The following CLIP4 variants were observed in gnomAD, a reference collection of about 807,000 sequenced individuals.
CLIP4 encodes the protein CAP-Gly domain containing linker protein family member 4, also known as CAP-Gly domain-containing linker protein 4.
A neutral mutation model predicts 73.1 loss-of-function variants in CLIP4; 47 were observed. The observed-to-expected ratio is 0.64, with a 90% CI of 0.51 to 0.82. The LOEUF (loss-of-function observed/expected upper bound fraction) is 0.82, where lower values mean the gene tolerates loss of function less well. Among genes scored for constraint, CLIP4 ranks in the 40% least tolerant of loss-of-function variants. The pLI, the probability that CLIP4 is intolerant of heterozygous loss-of-function variation, is 0.00. For synonymous variants in CLIP4, 306 were observed against 295.4 expected (o/e 1.04, Z -0.37); for missense variants, 874 against 852.9 (o/e 1.02, Z -0.31).
At chr2:29,140,944 C>T (rs1390176454) in intron 6 of CLIP4, among the ~76,000 whole-genome samples, 4 of 152,070 alleles carry the variant, frequency 2.6e-5, no homozygotes, top group Non-Finnish European at 4.4e-5. Context: ...GTTGAGACCT[C>T]CCTGTCTTCT....
upstream of CLIP4, among the ~76,000 whole-genome samples, chr2:29,111,707 A>G (rs886925737): frequency 1.3e-5 from 2 of 152,242 alleles, no homozygotes; most frequent in Admixed American, 6.5e-5. Context: ...TGAACATAGC[A>G]CATGTTTTCT....
At chr2:29,172,233 A>G (rs775251875) in intron 14 of CLIP4, among the ~76,000 whole-genome samples, 9 of 152,058 alleles carry the variant, frequency 5.9e-5, no homozygotes, top group East Asian at 1.9e-4. Flanking sequence ...TAATAGTTTT[A>G]TATTGTAATG....
At chr2:29,161,132 G>A (rs1193558801) in intron 12 of CLIP4, among the ~76,000 whole-genome samples, 3 of 152,024 alleles carry the variant, frequency 2.0e-5, no homozygotes, top group African/African-American at 2.4e-5. Flanking sequence ...GCGCCACCAC[G>A]CCCCGCTAAT....
intron 2 of CLIP4, chr2:29,131,009 C>T (rs1295044077): frequency 2.1e-6 from 2 of 968,084 alleles, no homozygotes; most frequent in Non-Finnish European, 1.4e-6. Context: ...ATTATTTAGT[C>T]TGAGCTTTGC....
chr2:29,167,458 C>A lies in CLIP4; in HGVS notation c.1659-18C>A, dbSNP rs769066851. 3.4e-5 allele frequency: 53 copies of A among 1,577,676 alleles called. No individual in the cohort carries two copies. In the Admixed American group the frequency reaches 7.8e-4, roughly 23 times the overall value. ...AGACCAGCTACTTCTAACGAGATGT[C>A]CTTTGTTTTATTCATAGAGTAACAG... On this transcript the variant is annotated intron_variant, in intron 13 of 15. Coordinates refer to ENST00000320081, the MANE Select transcript of CLIP4 (RefSeq NM_024692.6).
rs139839854 is a variant in CLIP4, at chr2:29,121,241, C to G, written c.-15-133C>G. 2.2e-4 allele frequency: 200 copies of G among 921,474 alleles called. No individual in the cohort carries two copies. The African/African-American group carries it at 3.2e-3, about 15-fold the overall frequency. The allele number at this position is 921,474 out of a possible 1,614,324, so 57.1% of individuals were successfully genotyped here. A position where few individuals can be genotyped will look rare whatever the true frequency, so the allele number is the denominator to read the frequency against. On this transcript the variant is annotated intron_variant, in intron 1 of 15. Transcript: ENST00000320081. ...AGTTTTGCCAAAAGGAATTTTTTCCCTTTCATAAAAGATCCTTACTGAAAA... is the reference window on the plus strand; with the variant it reads ...AGTTTTGCCAAAAGGAATTTTTTCCGTTTCATAAAAGATCCTTACTGAAAA...
intron 1 of CLIP4, among the ~76,000 whole-genome samples, chr2:29,119,488 GC>G (rs1299810034): frequency 1.3e-5 from 2 of 152,064 alleles, no homozygotes; most frequent in Admixed American, 1.3e-4. Flanking sequence ...GAATCTTTTT[GC>G]TGAAGAATTA....
chr2:29,181,544 A>G (rs1033126638), intron 15 of CLIP4, 28 bp from the exon 16 acceptor site: 2 of 1,529,012 alleles, frequency 1.3e-6, no homozygotes, highest in Non-Finnish European at 1.8e-6. Context: ...GCACTAAATA[A>G]TTTTTCCCAC....
chr2:29,168,554 T>C (rs1439092355), intron 14 of CLIP4, among the ~76,000 whole-genome samples: 1 of 128,142 alleles, frequency 7.8e-6, no homozygotes, highest in African/African-American at 3.0e-5. Context: ...GACGAGTCTC[T>C]CTCTGTTGCC....
At chr2:29,166,131 G>C (rs528578606) in intron 13 of CLIP4, among the ~76,000 whole-genome samples, 1 of 152,198 alleles carries the variant, frequency 6.6e-6, no homozygotes, top group African/African-American at 2.4e-5. Flanking sequence ...GAATAAAACA[G>C]ACATGGTCCC....
At position 29,181,610 on chromosome 2, in the gene CLIP4, C is replaced by T. The variant is rs1668649109; in HGVS notation, c.1835C>T (p.Pro612Leu). ...AALRRSWSST[P>L]TAGGIEGSVK... is the part of the protein sequence containing the mutation. The stretch of plus-strand genomic sequence containing the variant: ...TTGCGTCGCAGTTGGAGCAGCACCC[C>T]CACCGCAGGTGGCATTGAAGGGAGC... The change falls in exon 16 of 16, where the codon CCC becomes CTC. Residue 612 changes from proline (P) to leucine (L), a missense_variant. Coordinates refer to ENST00000320081, the MANE Select transcript of CLIP4 (RefSeq NM_024692.6). 2 of 1,612,844 alleles carry T rather than the reference C, an allele frequency of 1.2e-6. No homozygotes were observed. Among genetic ancestry groups the T allele is most frequent in the African/African-American group, 1.3e-5 (1 of 74,898 alleles).
chr2:29,132,022 C>T (rs879544193), intron 3 of CLIP4, 130 bp from the exon 4 acceptor site: 24 of 643,500 alleles, frequency 3.7e-5, no homozygotes, highest in Non-Finnish European at 6.3e-5. Context: ...AAGATATGCT[C>T]ATACTGTCTA....
At chr2:29,152,886 T>C (rs1046273377) in intron 9 of CLIP4, 58 bp downstream of exon 9, 279 of 1,567,868 alleles carry the variant, frequency 1.8e-4, no homozygotes, top group African/African-American at 6.8e-4. Flanking sequence ...ATTTGTAGAA[T>C]TCCTAATATT....
intron 1 of CLIP4, among the ~76,000 whole-genome samples, chr2:29,104,164 G>GA (rs1668135319): frequency 6.6e-6 from 1 of 152,168 alleles, no homozygotes; most frequent in Non-Finnish European, 1.5e-5. Flanking sequence ...GACTCCCTAA[G>GA]GAAAGGGACA....
intron 7 of CLIP4, 106 bp downstream of exon 7, chr2:29,144,051 A>G: frequency 4.8e-6 from 4 of 827,584 alleles, no homozygotes; most frequent in Non-Finnish European, 2.0e-6. Context: ...AAGGTTCAAC[A>G]TGTAGGTAGA....
intron 15 of CLIP4, among the ~76,000 whole-genome samples, chr2:29,180,868 GTATA>G (rs370019820): frequency 2.7e-5 from 4 of 149,492 alleles, no homozygotes; most frequent in Admixed American, 6.7e-5. Context: ...GTGTACACAT[GTATA>G]TATATATATA....
rs1263251771 is a variant in CLIP4, at chr2:29,181,647, C to G, written c.1872C>G (p.His624Gln). Residue 624 changes from histidine to glutamine, a missense_variant, in exon 16 of 16, where the codon CAC becomes CAG. Coordinates refer to ENST00000320081, the MANE Select transcript of CLIP4 (RefSeq NM_024692.6). ...AGGIEGSVKL[H>Q]EGSQVLLTSS... ...GCATTGAAGGGAGCGTGAAGCTGCA[C>G]GAGGGGTCTCAGGTCCTGCTCACGA... 6.2e-7 allele frequency: 1 copy of G among 1,614,108 alleles called. No homozygotes were observed. Among genetic ancestry groups the G allele is most frequent in the Non-Finnish European group, 8.5e-7 (1 of 1,180,008 alleles).
intron 6 of CLIP4, among the ~76,000 whole-genome samples, chr2:29,136,900 C>T (rs1312550540): frequency 6.6e-6 from 1 of 150,920 alleles, no homozygotes; most frequent in East Asian, 2.0e-4. Flanking sequence ...AGCTAAATTA[C>T]CAATTTAGGC....
intron 7 of CLIP4, 137 bp downstream of exon 7, chr2:29,144,082 T>A: frequency 1.4e-6 from 1 of 708,122 alleles, no homozygotes; most frequent in Non-Finnish European, 2.5e-6. Flanking sequence ...ATGGAAAATG[T>A]AAAACTTAGA....
Sources: gnomAD v4.1 joint callset for allele counts (sites outside exome capture counted in the v4.1 genomes callset) on GRCh38, gnomAD v4.1.1 for gene constraint, MANE v1.5 for transcripts, NCBI Gene and HGNC (gene_info 2026-07-23, HGNC 2026-07-21) for gene names.